Variants in GRM8 observed in about 807,000 individuals in gnomAD.
GRM8 encodes the protein metabotropic glutamate receptor 8.
Under a neutral mutation model 87.2 loss-of-function variants are expected in GRM8, and 47 were observed. The observed-to-expected ratio is 0.54, with a 90% confidence interval of 0.43 to 0.69. The LOEUF (loss-of-function observed/expected upper bound fraction) is 0.69, where lower values mean the gene tolerates loss of function less well. Among genes scored for constraint, GRM8 ranks in the 30% least tolerant of loss-of-function variants. The pLI is 0.00. For missense variants in GRM8, 1,019 were observed against 1,139.2 expected (o/e 0.89, Z 1.52); for synonymous variants, 396 against 404.5 (o/e 0.98, Z 0.25).
At chr7:126,937,976 T>C (rs1182602593) in intron 3 of GRM8, among the ~76,000 whole-genome samples, 1 of 152,148 alleles carries the variant, frequency 6.6e-6, no homozygotes, top group Non-Finnish European at 1.5e-5. Context: ...CAGAGACTAT[T>C]CATTATCTCC....
Position 127,071,468 on chromosome 7 carries a change from C to A in GRM8, c.727+35028G>T, listed in dbSNP as rs573500762. On this transcript the variant is annotated intron_variant, in intron 3 of 10. Coordinates refer to ENST00000339582, the MANE Select transcript of GRM8 (RefSeq NM_000845.3). ...GCATGGATGTCATTAGACTCAAAGT[C>A]AAGCATGAAGGTGAACAGACATTAA... Among the ~76,000 whole-genome samples the A allele has an allele frequency of 3.3e-4, 51 of 152,252 alleles. 1 individual carries two copies. The highest frequency in any genetic ancestry group is 6.0e-4 in the Non-Finnish European group (41 of 68,012).
chr7:127,250,629 T>C (rs1006168626), intron 1 of GRM8, among the ~76,000 whole-genome samples: 8 of 152,236 alleles, frequency 5.3e-5, no homozygotes, highest in African/African-American at 1.7e-4. Flanking sequence ...GAAGCTTTTC[T>C]TTTCAAAATT....
At chr7:126,855,435 G>T (rs1249864210) in intron 6 of GRM8, among the ~76,000 whole-genome samples, 1 of 150,580 alleles carries the variant, frequency 6.6e-6, no homozygotes, top group African/African-American at 2.4e-5. Flanking sequence ...GGAAGTCACA[G>T]AACCAGAATT....
At chr7:126,678,317 T>C (rs1807205029) in intron 7 of GRM8, among the ~76,000 whole-genome samples, 1 of 152,206 alleles carries the variant, frequency 6.6e-6, no homozygotes, top group Non-Finnish European at 1.5e-5. Flanking sequence ...TATAGACTAG[T>C]GTTCTTGATT....
intron 7 of GRM8, among the ~76,000 whole-genome samples, chr7:126,732,451 A>C (rs1401815658): frequency 3.3e-5 from 5 of 152,164 alleles, no homozygotes; most frequent in Admixed American, 3.3e-4. Flanking sequence ...AAGAGTTATT[A>C]GTAGAATCTA....
chr7:126,816,772 T>G (rs1793826714), intron 6 of GRM8, among the ~76,000 whole-genome samples: 1 of 146,706 alleles, frequency 6.8e-6, no homozygotes, highest in South Asian at 2.1e-4. Flanking sequence ...GTGTGTGTAG[T>G]GTAGCGTATA....
chr7:126,977,602 A>G (rs1433363230), intron 3 of GRM8, among the ~76,000 whole-genome samples: 1 of 152,232 alleles, frequency 6.6e-6, no homozygotes, highest in Admixed American at 6.5e-5. Flanking sequence ...TTTTAACTTA[A>G]TCTTGTAGAT....
At chr7:126,755,165 T>C (rs1201297536) in intron 7 of GRM8, among the ~76,000 whole-genome samples, 1 of 152,056 alleles carries the variant, frequency 6.6e-6, no homozygotes, top group African/African-American at 2.4e-5. Context: ...TCTGATAGTT[T>C]GTGCCTATGC....
intron 3 of GRM8, among the ~76,000 whole-genome samples, chr7:127,052,015 G>A (rs1379066514): frequency 6.6e-6 from 1 of 152,144 alleles, no homozygotes; most frequent in Non-Finnish European, 1.5e-5. Context: ...GTGACCTGGG[G>A]AGAAAGGGAA....
intron 9 of GRM8, among the ~76,000 whole-genome samples, chr7:126,483,623 C>A (rs1030154280): frequency 6.6e-6 from 1 of 151,184 alleles, no homozygotes; most frequent in African/African-American, 2.4e-5. Context: ...ATCTGTTACT[C>A]AAATTTTCAT....
chr7:127,009,880 G>A (rs1814701185), intron 3 of GRM8, among the ~76,000 whole-genome samples: 1 of 151,944 alleles, frequency 6.6e-6, no homozygotes, highest in Admixed American at 6.6e-5. Flanking sequence ...GTTGCACTCT[G>A]TCACCCAGGC....
intron 6 of GRM8, among the ~76,000 whole-genome samples, chr7:126,818,917 A>G (rs556564770): frequency 6.6e-6 from 1 of 152,292 alleles, no homozygotes; most frequent in East Asian, 1.9e-4. Context: ...TTGGAATATC[A>G]ATCAATTAGG....
intron 6 of GRM8, among the ~76,000 whole-genome samples, chr7:126,896,121 T>G (rs1009587105): frequency 1.3e-5 from 2 of 150,864 alleles, no homozygotes; most frequent in African/African-American, 4.9e-5. Flanking sequence ...TGGGTTCTAG[T>G]TTCTTCACTA....
At chr7:126,920,827 C>G (rs966961100) in intron 3 of GRM8, among the ~76,000 whole-genome samples, 1 of 151,770 alleles carries the variant, frequency 6.6e-6, no homozygotes, top group African/African-American at 2.4e-5. Context: ...TATCTCCCCC[C>G]ACCCACCCCT....
intron 7 of GRM8, 150 bp from the exon 8 acceptor site, chr7:126,609,648 CATA>C (rs1318946432): frequency 1.6e-6 from 1 of 609,216 alleles, no homozygotes; most frequent in Admixed American, 3.1e-5. Context: ...TTCTTGATAG[CATA>C]ATATCTTTTA....
chr7:126,625,470 C>T (rs2151155551), intron 7 of GRM8, among the ~76,000 whole-genome samples: 1 of 151,684 alleles, frequency 6.6e-6, no homozygotes, highest in South Asian at 2.1e-4. Context: ...AGTTGAATAG[C>T]ATTTCTAATT....
chr7:126,944,784 G>T (rs1343607932), intron 3 of GRM8, among the ~76,000 whole-genome samples: 1 of 152,082 alleles, frequency 6.6e-6, no homozygotes, highest in Non-Finnish European at 1.5e-5. Flanking sequence ...GTCAGGAAAA[G>T]AAAGCCAAAC....
intron 6 of GRM8, among the ~76,000 whole-genome samples, chr7:126,902,082 A>T (rs1802140305): frequency 6.6e-6 from 1 of 152,226 alleles, no homozygotes; most frequent in Admixed American, 6.5e-5. Flanking sequence ...TAAAAATCAT[A>T]CATGTTCCAG....
chr7:126,616,457 T>G (rs1799504327), intron 7 of GRM8, among the ~76,000 whole-genome samples: 2 of 151,862 alleles, frequency 1.3e-5, no homozygotes, highest in South Asian at 4.2e-4. Context: ...AACATCACAA[T>G]TAAAAGAACT....
Sources: allele counts gnomAD v4.1 joint callset (sites outside exome capture counted in the v4.1 genomes callset), GRCh38; gene constraint gnomAD v4.1.1; transcripts MANE v1.5; gene names NCBI Gene and HGNC (gene_info 2026-07-23, HGNC 2026-07-21).